Variants in PFKFB3 observed in about 807,000 individuals in gnomAD.
The protein encoded by PFKFB3 is 6-phosphofructo-2-kinase/fructose-2,6-bisphosphatase 3.
A neutral mutation model predicts 68.0 loss-of-function variants in PFKFB3; 33 were observed. The ratio of observed to expected loss-of-function variants is 0.49; its 90% CI spans 0.37 to 0.65. PFKFB3 has a LOEUF of 0.65. Ranked by LOEUF, PFKFB3 falls within the 30% of genes least tolerant of loss-of-function variation. The pLI is 0.00. For missense variants in PFKFB3, 586 were observed against 712.2 expected, an observed-to-expected ratio of 0.82 and a Z score of 2.02; for synonymous variants, 315 against 288.2, an observed-to-expected ratio of 1.09 and a Z score of -0.94.
Position 6,224,135 on chromosome 10 carries a change from C to A in PFKFB3, c.1277-14C>A. The A allele has an allele frequency of 6.2e-7, 1 of 1,614,138 alleles. No homozygotes were observed. The highest frequency in any genetic ancestry group is 2.2e-5 in the East Asian group (1 of 44,888). On this transcript the variant is annotated splice_polypyrimidine_tract_variant and intron_variant, in intron 12 of 14. Coordinates refer to ENST00000379775, the MANE Select transcript of PFKFB3 (RefSeq NM_004566.4). The stretch of plus-strand genomic sequence containing the variant: ...TAACAGCAGCTTCCTCTGCCCCCAT[C>A]CCACGCCCTCCAGGCTGCCGTGTGG...
rs1380663400 is a variant in PFKFB3 at position 6,228,192 on chromosome 10, G to A, written c.1515+1827G>A. On this transcript the variant is annotated intron_variant, in intron 14 of 14. Coordinates refer to ENST00000379775, the MANE Select transcript of PFKFB3 (RefSeq NM_004566.4). This position sits in a 1 kb window ranked among gnomAD's most constrained non-coding sequence, Gnocchi z 4.5. ...TGACTTCTCTCTCTGCTTCTCCTCC[G>A]CAGCCTTTGCTAGGGCAAGCCTGTC... 6.8e-6 allele frequency: 11 copies of A among 1,612,568 alleles called. No homozygotes were observed. Among genetic ancestry groups the A allele is most frequent in the East Asian group, 2.2e-5 (1 of 44,886 alleles).
the PFKFB3 span, among the ~76,000 whole-genome samples, chr10:6,321,307 G>A: frequency 6.6e-6 from 1 of 151,976 alleles, no homozygotes; most frequent in Admixed American, 6.6e-5. Context: ...TCGTCACCTA[G>A]TAAGTTCCTT....
chr10:6,206,493 C>G (rs1349004455), intron 1 of PFKFB3, among the ~76,000 whole-genome samples: 3 of 129,022 alleles, frequency 2.3e-5, no homozygotes, highest in Non-Finnish European at 3.2e-5. Flanking sequence ...GGGTGGTGGC[C>G]GGGCAGAGGG....
At position 6,229,189 on chromosome 10, in the gene PFKFB3, T is replaced by C. The variant is rs748048770; in HGVS notation, c.1515+2824T>C. 6.3e-6 allele frequency: 3 copies of C among 479,406 alleles called. No homozygotes were observed. Among genetic ancestry groups the C allele is most frequent in the South Asian group, 4.5e-5 (3 of 66,712 alleles). The allele number at this position is 479,406 out of a possible 1,614,324, so 29.7% of individuals were successfully genotyped here. On this transcript the variant is annotated intron_variant, in intron 14 of 14. Transcript: ENST00000379775. This position sits in a 1 kb window ranked among gnomAD's most constrained non-coding sequence, Gnocchi z 4.3. ...CTTTGGAAATGGGAGAGGTTTGGCA[T>C]GGCGCTCAGATTTTGGTGGCAAAGG... is the stretch of plus-strand genomic sequence containing the variant.
In PFKFB3 at chr10:6,233,126, G is replaced by A; in HGVS notation, c.*184G>A. 1.7e-6 allele frequency: 1 copy of A among 581,848 alleles called. No individual in the cohort carries two copies. The highest frequency in any genetic ancestry group is 3.1e-6 in the Non-Finnish European group (1 of 324,668). 36.0% of individuals were successfully genotyped at this position (581,848 alleles called of 1,614,324 possible). On this transcript the variant is annotated 3_prime_UTR_variant, in exon 15 of 15. Transcript: ENST00000379775. ...GTGTCCCCTCGGCCGCTGGACACCAGAAAGCCACGTGGGTCCCTGGCGCCC... is the reference window on the plus strand; with the variant it reads ...GTGTCCCCTCGGCCGCTGGACACCAAAAAGCCACGTGGGTCCCTGGCGCCC...
chr10:6,286,595 C>A, the PFKFB3 span, among the ~76,000 whole-genome samples: 1 of 151,232 alleles, frequency 6.6e-6, no homozygotes, highest in Non-Finnish European at 1.5e-5. Context: ...CCAGGCTGGT[C>A]TCAAACTTCT....
chr10:6,315,533 GA>G, the PFKFB3 span, among the ~76,000 whole-genome samples: 1 of 152,110 alleles, frequency 6.6e-6, no homozygotes, highest in African/African-American at 2.4e-5. Flanking sequence ...GTCCAGGCTG[GA>G]GTGCAATGGT....
upstream of PFKFB3, among the ~76,000 whole-genome samples, chr10:6,199,453 A>G (rs1007805022): frequency 6.6e-6 from 1 of 150,902 alleles, no homozygotes; most frequent in Non-Finnish European, 1.5e-5. Context: ...CAGTGAATTC[A>G]GCTATGTGAG....
At chr10:6,308,740 C>T in the PFKFB3 span, among the ~76,000 whole-genome samples, 6 of 152,148 alleles carry the variant, frequency 3.9e-5, no homozygotes, top group African/African-American at 1.2e-4. Context: ...TGACAGCGAG[C>T]GTTATTATTA....
intron 14 of PFKFB3, among the ~76,000 whole-genome samples, chr10:6,231,900 TC>T (rs1845774719): frequency 6.6e-6 from 1 of 151,636 alleles, no homozygotes; most frequent in South Asian, 2.1e-4. Context: ...ACCCATCACC[TC>T]CCGGTGGGCA....
At chr10:6,182,509 C>T (rs1041387395) in intron 1 of PFKFB3, among the ~76,000 whole-genome samples, 1 of 152,198 alleles carries the variant, frequency 6.6e-6, no homozygotes, top group African/African-American at 2.4e-5. Context: ...AGTCCCAGGC[C>T]GATCCCTTCG....
intron 1 of PFKFB3, among the ~76,000 whole-genome samples, chr10:6,183,473 G>A (rs1842775114): frequency 6.6e-6 from 1 of 152,002 alleles, no homozygotes; most frequent in South Asian, 2.1e-4. Context: ...CTTGTAGCTG[G>A]CACCATGGTA....
chr10:6,313,019 A>G, the PFKFB3 span, among the ~76,000 whole-genome samples: 1 of 152,232 alleles, frequency 6.6e-6, no homozygotes, highest in African/African-American at 2.4e-5. The surrounding 1 kb of genome is among the most constrained non-coding windows in gnomAD (Gnocchi z 4.2). Flanking sequence ...GTGAAACTGT[A>G]TGAACTGGGG....
At chr10:6,316,910 T>C in the PFKFB3 span, among the ~76,000 whole-genome samples, 6 of 152,274 alleles carry the variant, frequency 3.9e-5, no homozygotes, top group South Asian at 4.1e-4. Context: ...CCCTGCCCAA[T>C]TGCATTTTGC....
chr10:6,296,143 T>C, the PFKFB3 span, among the ~76,000 whole-genome samples: 1 of 152,362 alleles, frequency 6.6e-6, no homozygotes, highest in Middle Eastern at 3.4e-3. Context: ...TTCAGCTTTT[T>C]TTCTTGTTGC....
At chr10:6,219,526 C>A (rs146674174) in intron 6 of PFKFB3, 43 bp from the exon 7 acceptor site, 14 of 1,612,358 alleles carry the variant, frequency 8.7e-6, no homozygotes, top group Non-Finnish European at 1.2e-5. Context: ...CAGCAGAAAG[C>A]CTTCCAGCGT....
chr10:6,225,972 C>A (rs980142524), intron 13 of PFKFB3, among the ~76,000 whole-genome samples: 4 of 152,238 alleles, frequency 2.6e-5, no homozygotes, highest in Non-Finnish European at 5.9e-5. Context: ...TGGTACCATC[C>A]GAGGAAGGGG....
intron 1 of PFKFB3, among the ~76,000 whole-genome samples, chr10:6,180,447 T>C (rs1347599217): frequency 6.6e-6 from 1 of 152,230 alleles, no homozygotes; most frequent in Non-Finnish European, 1.5e-5. Context: ...TTTTTTCTTT[T>C]CTTTCCTTTG....
the PFKFB3 span, among the ~76,000 whole-genome samples, chr10:6,272,771 C>A: frequency 6.6e-6 from 1 of 152,096 alleles, no homozygotes; most frequent in South Asian, 2.1e-4. Context: ...CAGCCCTGTT[C>A]CATATCCTGG....
Sources: gnomAD v4.1 joint callset for allele counts (sites outside exome capture counted in the v4.1 genomes callset) on GRCh38, gnomAD v4.1.1 for gene constraint, Gnocchi (gnomAD v3.1) non-coding constraint, MANE v1.5 for transcripts, NCBI Gene and HGNC (gene_info 2026-07-23, HGNC 2026-07-21) for gene names.